Variants in TMEM178B observed in about 807,000 individuals in gnomAD.
The protein encoded by TMEM178B is transmembrane protein 178B.
Under a neutral mutation model 31.0 loss-of-function variants are expected in TMEM178B, and 5 were observed. That is an observed-to-expected ratio of 0.16 (90% CI 0.08 to 0.34). The LOEUF (loss-of-function observed/expected upper bound fraction) is 0.34. Ranked by LOEUF, TMEM178B falls within the 10% of genes least tolerant of loss-of-function variation. TMEM178B has a pLI of 1.00. For synonymous variants in TMEM178B, 164 were observed against 164.0 expected, an observed-to-expected ratio of 1.00 and a Z score of 0.00; for missense variants, 275 against 400.3, an observed-to-expected ratio of 0.69 and a Z score of 2.67.
chr7:141,225,040 A>C (rs1456021942), intron 2 of TMEM178B, among the ~76,000 whole-genome samples: 1 of 152,184 alleles, frequency 6.6e-6, no homozygotes, highest in Non-Finnish European at 1.5e-5. Context: ...TGGAAGGTGC[A>C]CCACAGTGCC....
intron 2 of TMEM178B, among the ~76,000 whole-genome samples, chr7:141,335,872 A>T (rs1242793395): frequency 5.3e-5 from 8 of 151,868 alleles, no homozygotes. Context: ...AAACTTGCTA[A>T]TTTTTCCCCA....
At chr7:141,250,002 T>G (rs959613692) in intron 2 of TMEM178B, among the ~76,000 whole-genome samples, 16 of 152,310 alleles carry the variant, frequency 1.1e-4, no homozygotes, top group African/African-American at 3.8e-4. Context: ...TGAATTCTTT[T>G]TAAAGAAATA....
intron 2 of TMEM178B, among the ~76,000 whole-genome samples, chr7:141,349,920 T>C (rs1233616895): frequency 6.6e-6 from 1 of 152,090 alleles, no homozygotes; most frequent in Non-Finnish European, 1.5e-5. Context: ...GCTGAAACCC[T>C]GAGGAAGAAT....
At chr7:141,316,019 A>T (rs1017364585) in intron 2 of TMEM178B, among the ~76,000 whole-genome samples, 2 of 152,248 alleles carry the variant, frequency 1.3e-5, no homozygotes, top group Admixed American at 6.5e-5. Context: ...TGCTAAAGAC[A>T]TGTCAGCTCA....
intron 2 of TMEM178B, among the ~76,000 whole-genome samples, chr7:141,372,526 C>A (rs1273013375): frequency 1.3e-5 from 2 of 152,136 alleles, no homozygotes; most frequent in Non-Finnish European, 2.9e-5. Flanking sequence ...TATCTGCTTA[C>A]ATTCTAGGTT....
At chr7:141,263,490 T>C (rs779885763) in intron 2 of TMEM178B, among the ~76,000 whole-genome samples, 2 of 152,132 alleles carry the variant, frequency 1.3e-5, no homozygotes, top group Non-Finnish European at 2.9e-5. Context: ...TCCCATATTG[T>C]ACATGGAGGT....
rs1212532587 is a variant in TMEM178B, at chr7:141,085,980, T to C, written c.382+11288T>C. 2.6e-5 allele frequency among the ~76,000 whole-genome samples: 4 copies of C among 152,134 alleles called. No homozygotes were observed. In the East Asian group the frequency reaches 7.7e-4, roughly 29 times the overall value. On this transcript the variant is annotated intron_variant, in intron 1 of 3. Coordinates refer to ENST00000565468, the MANE Select transcript of TMEM178B (RefSeq NM_001195278.2). Reference sequence around the variant, plus strand: ...TGTTCATTAATAAGATAATGATGTATGGTATATTCATACAATAGAAATGAT... The same window carrying C: ...TGTTCATTAATAAGATAATGATGTACGGTATATTCATACAATAGAAATGAT...
chr7:141,236,654 C>T (rs989140579), intron 2 of TMEM178B, among the ~76,000 whole-genome samples: 1 of 152,110 alleles, frequency 6.6e-6, no homozygotes, highest in African/African-American at 2.4e-5. Flanking sequence ...GTGAGGGAAG[C>T]CCTGGAGAGA....
rs117919095 is a variant in TMEM178B, at chr7:141,228,847, G to A, written c.496+16143G>A. Among the ~76,000 whole-genome samples, 38 of 152,234 alleles carry A rather than the reference G, an allele frequency of 2.5e-4. No individual in the cohort carries two copies. The East Asian group carries it at 2.7e-3, about 11-fold the overall frequency. On this transcript the variant is annotated intron_variant, in intron 2 of 3. Transcript: ENST00000565468. Reference sequence around the variant, plus strand: ...ACTATTGATCAACTTCGTCATCATTGTTGGCCTCATCATTAAGTATTTATA... The same window carrying A: ...ACTATTGATCAACTTCGTCATCATTATTGGCCTCATCATTAAGTATTTATA...
At chr7:141,206,051 AT>A (rs1260127538) in intron 1 of TMEM178B, among the ~76,000 whole-genome samples, 37 of 152,320 alleles carry the variant, frequency 2.4e-4, no homozygotes, top group African/African-American at 8.2e-4. Flanking sequence ...CAGTAATATT[AT>A]TTCTGAGTTC....
At chr7:141,140,894 G>A (rs1010960812) in intron 1 of TMEM178B, among the ~76,000 whole-genome samples, 5 of 152,154 alleles carry the variant, frequency 3.3e-5, no homozygotes, top group African/African-American at 4.8e-5. Flanking sequence ...GAATGTTGAC[G>A]TTGATTTTGA....
chr7:141,074,169 C>A lies in TMEM178B; in HGVS notation c.-142C>A. On this transcript the variant is annotated 5_prime_UTR_variant, in exon 1 of 4. Coordinates refer to ENST00000565468, the MANE Select transcript of TMEM178B (RefSeq NM_001195278.2). This position sits in a 1 kb window ranked among gnomAD's most constrained non-coding sequence, Gnocchi z 5.1. ...AGTCCCCGGGCCGTGCTCCGGTAGG[C>A]GGGGGCCGAGGGGGCGCCGCGGCGC... is the stretch of plus-strand genomic sequence containing the variant. 1 of 1,245,492 alleles carries A rather than the reference C, an allele frequency of 8.0e-7. No individual in the cohort carries two copies. The highest frequency in any genetic ancestry group is 1.1e-6 in the Non-Finnish European group (1 of 943,946). The allele number at this position is 1,245,492 out of a possible 1,614,324, so 77.2% of individuals were successfully genotyped here. A position where few individuals can be genotyped will look rare whatever the true frequency, so the allele number is the denominator to read the frequency against.
downstream of TMEM178B, among the ~76,000 whole-genome samples, chr7:141,484,107 A>C (rs897389397): frequency 6.6e-6 from 1 of 152,148 alleles, no homozygotes; most frequent in Non-Finnish European, 1.5e-5. The surrounding 1 kb of genome is among the most constrained non-coding windows in gnomAD (Gnocchi z 4.8). Context: ...CCACACCCAA[A>C]GCTGACAGCA....
At chr7:141,233,633 T>C (rs576660266) in intron 2 of TMEM178B, among the ~76,000 whole-genome samples, 1 of 152,178 alleles carries the variant, frequency 6.6e-6, no homozygotes, top group African/African-American at 2.4e-5. Context: ...AGGTCCCTTG[T>C]AGCACAGATA....
chr7:141,226,718 G>T (rs1398419261), intron 2 of TMEM178B, among the ~76,000 whole-genome samples: 2 of 152,012 alleles, frequency 1.3e-5, no homozygotes, highest in Admixed American at 6.6e-5. Context: ...AATTAGCCGG[G>T]CATGGTGGTG....
At chr7:141,308,976 AG>A (rs1320444322) in intron 2 of TMEM178B, among the ~76,000 whole-genome samples, 1 of 152,228 alleles carries the variant, frequency 6.6e-6, no homozygotes, top group Non-Finnish European at 1.5e-5. Flanking sequence ...GGGAGGACTC[AG>A]GAAGTGGATT....
At chr7:141,216,423 C>CTGTGTGTGTG (rs575369422) in intron 2 of TMEM178B, among the ~76,000 whole-genome samples, 6,961 of 89,292 alleles carry the variant, frequency 0.078, 400 homozygotes, top group South Asian at 0.19. Flanking sequence ...AGGATGAAGC[C>CTGTGTGTGTG]TGTGTGTGTG....
chr7:141,445,720 C>T (rs1307206019), intron 3 of TMEM178B, among the ~76,000 whole-genome samples: 1 of 152,144 alleles, frequency 6.6e-6, no homozygotes, highest in African/African-American at 2.4e-5. Context: ...GGTGCTGTTA[C>T]TGTTACATGT....
intron 2 of TMEM178B, among the ~76,000 whole-genome samples, chr7:141,360,582 C>G (rs571620012): frequency 6.6e-6 from 1 of 152,308 alleles, no homozygotes; most frequent in African/African-American, 2.4e-5. Context: ...ACGGAGTGGT[C>G]AAGAGAAACA....
Sources: gnomAD v4.1 joint callset for allele counts (sites outside exome capture counted in the v4.1 genomes callset) on GRCh38, gnomAD v4.1.1 for gene constraint, Gnocchi (gnomAD v3.1) non-coding constraint, MANE v1.5 for transcripts, NCBI Gene and HGNC (gene_info 2026-07-23, HGNC 2026-07-21) for gene names.